Variants in DNAJC10 observed in about 807,000 individuals in gnomAD.
DNAJC10 encodes the protein endoplasmic reticulum disulfide reductase DNAJC10.
A neutral mutation model predicts 115.0 loss-of-function variants in DNAJC10; 101 were observed. The ratio of observed to expected loss-of-function variants is 0.88; its 90% CI spans 0.75 to 1.04. DNAJC10 has a LOEUF of 1.04. Ranked by LOEUF, DNAJC10 falls within the 50% of genes least tolerant of loss-of-function variation. The probability of loss-of-function intolerance (pLI) is 0.00; values close to 1 mark genes in which losing one functional copy is unlikely to be tolerated. For synonymous variants in DNAJC10, 307 were observed against 301.5 expected, an observed-to-expected ratio of 1.02 and a Z score of -0.19; for missense variants, 981 against 928.8, an observed-to-expected ratio of 1.06 and a Z score of -0.73.
chr2:182,744,214 GC>G (rs1693807024), intron 14 of DNAJC10, among the ~76,000 whole-genome samples: 1 of 152,140 alleles, frequency 6.6e-6, no homozygotes, highest in Non-Finnish European at 1.5e-5. Flanking sequence ...TTGGACTACA[GC>G]AGAGTCCTTG....
chr2:182,764,047 T>C (rs1559023195), intron 22 of DNAJC10, among the ~76,000 whole-genome samples: 1 of 152,148 alleles, frequency 6.6e-6, no homozygotes, highest in Non-Finnish European at 1.5e-5. Flanking sequence ...GAGTGGAAAT[T>C]TGAGAAGACA....
At chr2:182,733,634 C>CT (rs1693506870) in intron 10 of DNAJC10, among the ~76,000 whole-genome samples, 1 of 149,252 alleles carries the variant, frequency 6.7e-6, no homozygotes, top group Non-Finnish European at 1.5e-5. Flanking sequence ...AGTATTATCT[C>CT]TTTTTCTCTT....
chr2:182,755,027 A>G lies in DNAJC10; in HGVS notation c.1576A>G (p.Thr526Ala), dbSNP rs1694121175. The G allele has an allele frequency of 1.2e-6, 2 of 1,605,846 alleles. No individual in the cohort carries two copies. Among genetic ancestry groups the G allele is most frequent in the South Asian group, 1.1e-5 (1 of 90,884 alleles). ...GTATAACATTCAGGCTTATCCAACA[A>G]CAGTGGTATTCAACCAGTCCAACAT... ...NMYNIQAYPT[T>A]VVFNQSNIHE... Residue 526 changes from threonine to alanine, a missense_variant, in exon 17 of 24, where the codon ACA (threonine) becomes GCA (alanine). Physicochemically the swap from Thr to Ala is moderately conservative, Grantham distance 58. Coordinates refer to ENST00000264065, the MANE Select transcript of DNAJC10 (RefSeq NM_018981.4).
At position 182,728,889 on chromosome 2, in the gene DNAJC10, TGGGTTACTTCG is replaced by T; in HGVS notation, c.529_539del (p.Gly177AsnfsTer5). ...GGAGAGACTTTGCTAAAGAAGTGGA[TGGGTTACTTCG>T]AATTGGAGCTGTTAACTGTGGTGAT... On this transcript the variant is annotated frameshift_variant, in exon 7 of 24. Transcript: ENST00000264065. LOFTEE classifies it high-confidence loss of function. The T allele has an allele frequency of 1.9e-6, 3 of 1,614,082 alleles. No homozygotes were observed. Among genetic ancestry groups the T allele is most frequent in the Non-Finnish European group, 1.7e-6 (2 of 1,179,970 alleles).
At position 182,717,992 on chromosome 2, in the gene DNAJC10, T is replaced by C; in HGVS notation, c.-95T>C. ...GATGCTTGATTCACCCTTGAAGTAA[T>C]GTAGACAGAAGTTCTCAAATTTGCA... is the stretch of plus-strand genomic sequence containing the variant. On this transcript the variant is annotated 5_prime_UTR_variant, in exon 3 of 24. It removes an upstream start codon present in the reference 5' UTR. Coordinates refer to ENST00000264065, the MANE Select transcript of DNAJC10 (RefSeq NM_018981.4). 1.2e-6 allele frequency: 1 copy of C among 824,196 alleles called. No individual in the cohort carries two copies. Among genetic ancestry groups the C allele is most frequent in the Non-Finnish European group, 1.9e-6 (1 of 536,994 alleles). The allele number at this position is 824,196 out of a possible 1,614,324, so 51.1% of individuals were successfully genotyped here.
intron 5 of DNAJC10, among the ~76,000 whole-genome samples, chr2:182,728,137 T>G (rs889740222): frequency 6.6e-6 from 1 of 152,216 alleles, no homozygotes; most frequent in Non-Finnish European, 1.5e-5. Flanking sequence ...TAAACCTACT[T>G]AACCTGTGCT....
rs187643343 is a variant in DNAJC10, at chr2:182,784,527, A to G, written c.*7395A>G. Reference sequence around the variant, plus strand: ...GTATTTCAATTGACAAACAGCCAGAAGTATTATACTGTTGACTGTGTTTAA... The same window carrying G: ...GTATTTCAATTGACAAACAGCCAGAGGTATTATACTGTTGACTGTGTTTAA... On this transcript the variant is annotated 3_prime_UTR_variant, in exon 24 of 24. Coordinates refer to ENST00000264065, the MANE Select transcript of DNAJC10 (RefSeq NM_018981.4). 6.6e-6 allele frequency: 1 copy of G among 152,286 alleles called. No individual in the cohort carries two copies. Among genetic ancestry groups the G allele is most frequent in the Admixed American group, 6.5e-5 (1 of 15,296 alleles). The allele number at this position is 152,286 out of a possible 1,614,324, so 9.4% of individuals were successfully genotyped here.
At chr2:182,734,582 T>C (rs1693539161) in intron 10 of DNAJC10, among the ~76,000 whole-genome samples, 1 of 151,810 alleles carries the variant, frequency 6.6e-6, no homozygotes, top group Non-Finnish European at 1.5e-5. Flanking sequence ...TTGGGTCCAA[T>C]TTGTTAGCTA....
chr2:182,732,417 A>G (rs1693474079), intron 9 of DNAJC10, 82 bp from the exon 10 acceptor site: 2 of 1,331,722 alleles, frequency 1.5e-6, no homozygotes, highest in South Asian at 1.2e-5. Flanking sequence ...TGAACATGGT[A>G]ATTTGGGGGA....
chr2:182,764,990 G>A (rs1203265732), intron 22 of DNAJC10, among the ~76,000 whole-genome samples: 1 of 152,140 alleles, frequency 6.6e-6, no homozygotes, highest in Non-Finnish European at 1.5e-5. Flanking sequence ...AGAGGCTCTT[G>A]ATGCAGCGCA....
rs1015005401 is a variant in DNAJC10 at position 182,777,936 on chromosome 2, T to C, written c.*804T>C. The C allele has an allele frequency of 6.6e-6, 1 of 152,198 alleles. No homozygotes were observed. Among genetic ancestry groups the C allele is most frequent in the African/African-American group, 2.4e-5 (1 of 41,462 alleles). The allele number at this position is 152,198 out of a possible 1,614,324, so 9.4% of individuals were successfully genotyped here. ...AGGAAAACCTGAGGGAAAAAAATTATAGCAATTAACTGGGCATTGTAGAGT... is the reference window on the plus strand; with the variant it reads ...AGGAAAACCTGAGGGAAAAAAATTACAGCAATTAACTGGGCATTGTAGAGT... On this transcript the variant is annotated 3_prime_UTR_variant, in exon 24 of 24. Transcript: ENST00000264065.
At chr2:182,732,780 A>T in intron 10 of DNAJC10, 1 of 507,866 alleles carries the variant, frequency 2.0e-6, no homozygotes, top group Middle Eastern at 5.0e-4. Flanking sequence ...TCTGTAATTT[A>T]TAAGTTCCTC....
Position 182,779,676 on chromosome 2 carries a change from A to G in DNAJC10, c.*2544A>G, listed in dbSNP as rs1269486542. ...TCATAGCTTTTTTATTTAAAGGTAT[A>G]TGATTAAGATAAAGGAAAAGTAAAA... On this transcript the variant is annotated 3_prime_UTR_variant, in exon 24 of 24. Transcript: ENST00000264065. 1.3e-5 allele frequency: 2 copies of G among 152,216 alleles called. No individual in the cohort carries two copies. Among genetic ancestry groups the G allele is most frequent in the African/African-American group, 4.8e-5 (2 of 41,474 alleles). 9.4% of individuals were successfully genotyped at this position (152,216 alleles called of 1,614,324 possible). A position where few individuals can be genotyped will look rare whatever the true frequency, so the allele number is the denominator to read the frequency against.
At chr2:182,773,193 A>C (rs1043329632) in intron 22 of DNAJC10, among the ~76,000 whole-genome samples, 1 of 152,164 alleles carries the variant, frequency 6.6e-6, no homozygotes, top group African/African-American at 2.4e-5. Flanking sequence ...GTTTCTGCCG[A>C]GAGATCTGCT....
chr2:182,749,424 C>G (rs1004203614), intron 14 of DNAJC10, among the ~76,000 whole-genome samples: 1 of 147,668 alleles, frequency 6.8e-6, no homozygotes, highest in Non-Finnish European at 1.5e-5. Flanking sequence ...CCTTCTTTGT[C>G]TCTTTTGATC....
At chr2:182,757,924 T>C in intron 19 of DNAJC10, 99 bp downstream of exon 19, 1 of 694,146 alleles carries the variant, frequency 1.4e-6, no homozygotes, top group Non-Finnish European at 2.2e-6. Flanking sequence ...ACCCAACAAA[T>C]ATTTATTGGG....
intron 14 of DNAJC10, among the ~76,000 whole-genome samples, chr2:182,750,689 G>A (rs1037022681): frequency 6.6e-6 from 1 of 152,094 alleles, no homozygotes; most frequent in African/African-American, 2.4e-5. Context: ...TCTGTACAAT[G>A]TGTTACAATG....
intron 3 of DNAJC10, among the ~76,000 whole-genome samples, chr2:182,719,439 G>A (rs1693088236): frequency 6.6e-6 from 1 of 151,572 alleles, no homozygotes; most frequent in Non-Finnish European, 1.5e-5. Flanking sequence ...GTTTTTAGTA[G>A]AAACGGGGCT....
chr2:182,736,508 CCTTA>C (rs1297002258), intron 11 of DNAJC10, 122 bp downstream of exon 11: 1 of 612,502 alleles, frequency 1.6e-6, no homozygotes, highest in Non-Finnish European at 2.4e-6. Context: ...ATTGTGGAAC[CCTTA>C]TTTAGAACAC....
Sources: allele counts gnomAD v4.1 joint callset (sites outside exome capture counted in the v4.1 genomes callset), GRCh38; gene constraint gnomAD v4.1.1; transcripts MANE v1.5; gene names NCBI Gene and HGNC (gene_info 2026-07-23, HGNC 2026-07-21).